Variants in VWA3B observed in about 807,000 individuals in gnomAD.
The protein encoded by VWA3B is von Willebrand factor A domain containing 3B.
In VWA3B, 138 loss-of-function variants were observed where a neutral mutation model predicts 158.3. That is an observed-to-expected ratio of 0.87 (90% CI 0.76 to 1.00). The LOEUF is 1.00. VWA3B is among the 50% of genes least tolerant of loss of function. VWA3B has a pLI of 0.00. For missense variants in VWA3B, 1,555 were observed against 1,565.1 expected (o/e 0.99, Z 0.11); for synonymous variants, 596 against 587.3 (o/e 1.01, Z -0.21).
intron 24 of VWA3B, among the ~76,000 whole-genome samples, chr2:98,299,206 C>T (rs1007777645): frequency 8.5e-5 from 13 of 152,080 alleles, no homozygotes; most frequent in Non-Finnish European, 1.8e-4. Context: ...GGTGCTTTCC[C>T]TGCCCCCAGA....
Position 98,167,196 on chromosome 2 carries a change from G to A in VWA3B, c.1114+4220G>A, listed in dbSNP as rs545084584. Among the ~76,000 whole-genome samples, 97 of 152,268 alleles carry A rather than the reference G, an allele frequency of 6.4e-4. 1 individual carries two copies. In the South Asian group the frequency reaches 0.018, roughly 28 times the overall value. ...AAGCTGCCATTCCGCACACTGGTTCGAGGTCACCTGGCACATACAGGTCCA... is the reference window on the plus strand; with the variant it reads ...AAGCTGCCATTCCGCACACTGGTTCAAGGTCACCTGGCACATACAGGTCCA... On this transcript the variant is annotated intron_variant, in intron 8 of 27. Transcript: ENST00000477737.
At chr2:98,169,988 G>A (rs1310710286) in intron 8 of VWA3B, among the ~76,000 whole-genome samples, 1 of 152,052 alleles carries the variant, frequency 6.6e-6, no homozygotes, top group Non-Finnish European at 1.5e-5. Context: ...AGGCATGATG[G>A]TGCGCACCTG....
chr2:98,284,153 T>C (rs1157605709), intron 22 of VWA3B, among the ~76,000 whole-genome samples: 1 of 152,196 alleles, frequency 6.6e-6, no homozygotes, highest in Non-Finnish European at 1.5e-5. Context: ...TAGTTCACCA[T>C]CCATTTTTGT....
At chr2:98,158,572 A>G (rs1042407158) in intron 7 of VWA3B, among the ~76,000 whole-genome samples, 48 of 152,200 alleles carry the variant, frequency 3.2e-4, no homozygotes, top group Non-Finnish European at 1.5e-5. Flanking sequence ...GGCAGCCAGG[A>G]ACTGAAATGC....
Position 98,196,527 on chromosome 2 carries a change from A to G in VWA3B, c.1737+2035A>G, listed in dbSNP as rs1314722531. Among the ~76,000 whole-genome samples the G allele has an allele frequency of 2.6e-5, 4 of 152,178 alleles. No individual in the cohort carries two copies. In the East Asian group the frequency reaches 5.8e-4, roughly 22 times the overall value. On this transcript the variant is annotated intron_variant, in intron 12 of 27. Transcript: ENST00000477737. ...AGCCTGCTTTGTGCTGTTGTCATGCAGCAGTAGGTCCCCAAACAAGCATAG... is the reference window on the plus strand; with the variant it reads ...AGCCTGCTTTGTGCTGTTGTCATGCGGCAGTAGGTCCCCAAACAAGCATAG...
chr2:98,107,938 C>A (rs67842777), intron 2 of VWA3B, among the ~76,000 whole-genome samples: 11,512 of 150,886 alleles, frequency 0.076, 583 homozygotes, highest in Middle Eastern at 0.15. Context: ...TTTCTAATTT[C>A]TTCAGTTGAA....
At chr2:98,244,637 T>C (rs936691057) in intron 19 of VWA3B, among the ~76,000 whole-genome samples, 2 of 152,190 alleles carry the variant, frequency 1.3e-5, no homozygotes, top group Non-Finnish European at 2.9e-5. Context: ...ATTTATTTAA[T>C]AAATGATTAT....
chr2:98,313,507 G>T (rs939953128), downstream of VWA3B, among the ~76,000 whole-genome samples: 2 of 152,246 alleles, frequency 1.3e-5, no homozygotes, highest in African/African-American at 4.8e-5. Context: ...GGGTATGAGG[G>T]TCTGAAGGAA....
chr2:98,212,559 G>T (rs1011164649), intron 13 of VWA3B, among the ~76,000 whole-genome samples: 1 of 152,216 alleles, frequency 6.6e-6, no homozygotes, highest in African/African-American at 2.4e-5. Flanking sequence ...GTGAATGAAA[G>T]AGGAGTACTC....
At chr2:98,124,198 T>G (rs914254690) in intron 5 of VWA3B, among the ~76,000 whole-genome samples, 3 of 152,238 alleles carry the variant, frequency 2.0e-5, no homozygotes, top group Non-Finnish European at 4.4e-5. Flanking sequence ...CTCTGATGCC[T>G]AACAAGGGCT....
rs771152542 is a variant in VWA3B at position 98,312,381 on chromosome 2, C to T, written c.*32C>T. ...CTGGTGGCAGCTATGTTTAAGAGAC[C>T]AGCGTCCTTCCAGGCTGTTCAGACC... On this transcript the variant is annotated 3_prime_UTR_variant, in exon 28 of 28. Transcript: ENST00000477737. 2 of 1,584,838 alleles carry T rather than the reference C, an allele frequency of 1.3e-6. No homozygotes were observed. Among genetic ancestry groups the T allele is most frequent in the Admixed American group, 3.4e-5 (2 of 58,224 alleles).
At chr2:98,204,005 A>G (rs1377634734) in intron 12 of VWA3B, among the ~76,000 whole-genome samples, 1 of 152,264 alleles carries the variant, frequency 6.6e-6, no homozygotes, top group Non-Finnish European at 1.5e-5. Context: ...TATCATAGGT[A>G]ATCTGGAGAT....
intron 22 of VWA3B, among the ~76,000 whole-genome samples, chr2:98,283,061 G>A (rs1365971873): frequency 6.6e-6 from 1 of 152,196 alleles, no homozygotes; most frequent in African/African-American, 2.4e-5. Context: ...AACCCATTCT[G>A]AAAATGTAGA....
intron 13 of VWA3B, among the ~76,000 whole-genome samples, chr2:98,217,473 G>A (rs553191139): frequency 7.2e-5 from 11 of 152,138 alleles, no homozygotes; most frequent in African/African-American, 1.9e-4. Flanking sequence ...TGTGGGAAGC[G>A]GTTGACCATA....
chr2:98,119,740 C>T lies in VWA3B; in HGVS notation c.519C>T (p.His173=). 2 of 1,614,094 alleles carry T rather than the reference C, an allele frequency of 1.2e-6. No individual in the cohort carries two copies. The highest frequency in any genetic ancestry group is 2.2e-5 in the East Asian group (1 of 44,870). Residue 173 remains histidine, a synonymous_variant, in exon 4 of 28, where the codon CAC becomes CAT. Coordinates refer to ENST00000477737, the MANE Select transcript of VWA3B (RefSeq NM_144992.5). The stretch of plus-strand genomic sequence containing the variant: ...TGGTTCTCCAGGAGCAGGTGGCTCA[C>T]ATAACCGAGTTCAATATCATACGGT... ...LTMVLQEQVA[H]ITEFNIIRVS...
rs1163716972 is a variant in VWA3B at position 98,217,876 on chromosome 2, C to T, written c.1867C>T (p.Arg623Cys). The T allele has an allele frequency of 5.0e-6, 8 of 1,609,860 alleles. No individual in the cohort carries two copies. Among genetic ancestry groups the T allele is most frequent in the East Asian group, 4.5e-5 (2 of 44,554 alleles). The change falls in exon 14 of 28, where the codon CGT becomes TGT. Residue 623 changes from arginine to cysteine, a missense_variant. Transcript: ENST00000477737. ...PPETVIDQVK[R>C]FQEIPIYTIS... ...TGAAACAGTTATAGACCAGGTCAAA[C>T]GTTTTCAGGAAATTCCTATTTATAC... is the stretch of plus-strand genomic sequence containing the variant.
At chr2:98,204,104 C>A (rs1332641668) in intron 12 of VWA3B, among the ~76,000 whole-genome samples, 1 of 152,110 alleles carries the variant, frequency 6.6e-6, no homozygotes, top group African/African-American at 2.4e-5. Context: ...ATTTTGGTGT[C>A]CATGGGGTTG....
intron 1 of VWA3B, among the ~76,000 whole-genome samples, chr2:98,088,997 G>T (rs528745838): frequency 6.6e-6 from 1 of 151,960 alleles, no homozygotes; most frequent in South Asian, 2.1e-4. Context: ...CAGGTGATCC[G>T]CCCGCCTTGG....
chr2:98,207,493 G>C (rs1371314286), intron 12 of VWA3B: 1 of 507,392 alleles, frequency 2.0e-6, no homozygotes, highest in Non-Finnish European at 3.9e-6. Context: ...TTCTGAGGAA[G>C]ACAAGTTGAC....
Sources: allele counts gnomAD v4.1 joint callset (sites outside exome capture counted in the v4.1 genomes callset), GRCh38; gene constraint gnomAD v4.1.1; transcripts MANE v1.5; gene names NCBI Gene and HGNC (gene_info 2026-07-23, HGNC 2026-07-21).